CNTNAP2: variants seen among roughly 807,000 people sequenced by gnomAD.
CNTNAP2 encodes the protein contactin associated protein 2, also known as contactin-associated protein-like 2.
Under a neutral mutation model 155.2 loss-of-function variants are expected in CNTNAP2, and 98 were observed. That is an observed-to-expected ratio of 0.63 (90% CI 0.54 to 0.75). The LOEUF (loss-of-function observed/expected upper bound fraction) is 0.75, where lower values mean the gene tolerates loss of function less well. Among genes scored for constraint, CNTNAP2 ranks in the 30% least tolerant of loss-of-function variants. The probability of loss-of-function intolerance (pLI) is 0.00; values close to 1 mark genes in which losing one functional copy is unlikely to be tolerated. For missense variants in CNTNAP2, 1,727 were observed against 1,688.1 expected (o/e 1.02, Z -0.40); for synonymous variants, 651 against 631.2 (o/e 1.03, Z -0.47).
At chr7:147,841,865 C>A (rs1044267775) in intron 13 of CNTNAP2, among the ~76,000 whole-genome samples, 1 of 152,098 alleles carries the variant, frequency 6.6e-6, no homozygotes, top group Non-Finnish European at 1.5e-5. Context: ...GAAATTCCTA[C>A]TAATCCATAG....
At chr7:146,978,402 A>T (rs1797953478) in intron 3 of CNTNAP2, among the ~76,000 whole-genome samples, 1 of 152,068 alleles carries the variant, frequency 6.6e-6, no homozygotes, top group African/African-American at 2.4e-5. Flanking sequence ...TTCAAATGAC[A>T]CCAGAAAAGC....
intron 12 of CNTNAP2, among the ~76,000 whole-genome samples, chr7:147,572,587 C>T (rs1584822850): frequency 2.2e-5 from 1 of 46,462 alleles, no homozygotes; most frequent in African/African-American, 7.4e-5. Flanking sequence ...GCTCAAAATC[C>T]GAGAAAGACT....
chr7:147,727,818 C>G lies in CNTNAP2; in HGVS notation c.2098+88512C>G, dbSNP rs116576108. On this transcript the variant is annotated intron_variant, in intron 13 of 23. Transcript: ENST00000361727. Reference sequence around the variant, plus strand: ...CCTACCAAATAAATCAACATTATTTCTGAGATTGCATAATGGGAGTATGAG... The same window carrying G: ...CCTACCAAATAAATCAACATTATTTGTGAGATTGCATAATGGGAGTATGAG... 6.1e-3 allele frequency among the ~76,000 whole-genome samples: 899 copies of G among 146,542 alleles called. 7 individuals carry two copies. Among genetic ancestry groups the G allele is most frequent in the African/African-American group, 0.021 (841 of 39,458 alleles).
chr7:148,309,712 T>TTTCACTTC (rs1349156990), intron 21 of CNTNAP2, among the ~76,000 whole-genome samples: 2 of 152,030 alleles, frequency 1.3e-5, no homozygotes, highest in Non-Finnish European at 2.9e-5. Context: ...AACAGGCCAT[T>TTTCACTTC]TTCACTTCTT....
chr7:148,137,712 GGA>G (rs1267869275), intron 16 of CNTNAP2, among the ~76,000 whole-genome samples: 1 of 150,322 alleles, frequency 6.7e-6, no homozygotes, highest in Admixed American at 6.6e-5. Flanking sequence ...AAGGAAGGAA[GGA>G]AGGAAGGAAG....
chr7:147,434,552 C>T lies in CNTNAP2; in HGVS notation c.1670+38772C>T, dbSNP rs371250151. On this transcript the variant is annotated intron_variant, in intron 10 of 23. Coordinates refer to ENST00000361727, the MANE Select transcript of CNTNAP2 (RefSeq NM_014141.6). Reference sequence around the variant, plus strand: ...ATATTTAAAGGCTCATAATATCTTCCGTCTACATGTATTAATTGTATATGG... The same window carrying T: ...ATATTTAAAGGCTCATAATATCTTCTGTCTACATGTATTAATTGTATATGG... Among the ~76,000 whole-genome samples the T allele has an allele frequency of 1.8e-3, 277 of 152,228 alleles. 1 individual carries two copies. The highest frequency in any genetic ancestry group is 2.6e-3 in the African/African-American group (107 of 41,532).
intron 3 of CNTNAP2, among the ~76,000 whole-genome samples, chr7:146,994,700 G>A (rs1798274624): frequency 6.6e-6 from 1 of 151,982 alleles, no homozygotes; most frequent in South Asian, 2.1e-4. Context: ...TTACATATCT[G>A]TGGTGATTTA....
intron 3 of CNTNAP2, among the ~76,000 whole-genome samples, chr7:146,892,480 T>C (rs1795800147): frequency 6.6e-6 from 1 of 152,198 alleles, no homozygotes; most frequent in Admixed American, 6.5e-5. Context: ...GCCATCTTAA[T>C]TTATTATGAT....
intron 21 of CNTNAP2, among the ~76,000 whole-genome samples, chr7:148,371,626 T>C (rs1402609634): frequency 6.6e-6 from 1 of 152,244 alleles, no homozygotes; most frequent in African/African-American, 2.4e-5. Flanking sequence ...CATCTCATGA[T>C]TAATCTACCT....
rs1301213925 is a variant in CNTNAP2 at position 148,172,450 on chromosome 7, T to C, written c.2982T>C (p.Thr994=). Reference sequence around the variant, plus strand: ...GTTACTCCTGCGATTGCTCTAATACTGCATATGATGGAACATTTTGCAACA... The same window carrying C: ...GTTACTCCTGCGATTGCTCTAATACCGCATATGATGGAACATTTTGCAACA... ...YHGYSCDCSN[T]AYDGTFCNKD... is the part of the protein sequence containing the mutation. Residue 994 remains threonine, a synonymous_variant, in exon 18 of 24, where the codon ACT becomes ACC. Transcript: ENST00000361727. 1 of 1,614,226 alleles carries C rather than the reference T, an allele frequency of 6.2e-7. No homozygotes were observed. The highest frequency in any genetic ancestry group is 1.7e-5 in the Admixed American group (1 of 60,026).
intron 1 of CNTNAP2, among the ~76,000 whole-genome samples, chr7:146,631,147 T>C (rs1406338198): frequency 2.0e-5 from 3 of 152,126 alleles, no homozygotes; most frequent in Non-Finnish European, 4.4e-5. Flanking sequence ...TCATGCTACC[T>C]GACTTCAAAC....
At chr7:146,185,664 G>A (rs548846614) in intron 1 of CNTNAP2, among the ~76,000 whole-genome samples, 1 of 151,896 alleles carries the variant, frequency 6.6e-6, no homozygotes, top group Non-Finnish European at 1.5e-5. Context: ...CCAAGGGCTT[G>A]ATAAAGCAAT....
chr7:147,093,710 T>C (rs1230204912), intron 4 of CNTNAP2, among the ~76,000 whole-genome samples: 1 of 152,134 alleles, frequency 6.6e-6, no homozygotes, highest in Non-Finnish European at 1.5e-5. Context: ...CATTTCAACA[T>C]CAATTTTAAA....
chr7:146,984,763 T>C (rs2129237575), intron 3 of CNTNAP2, among the ~76,000 whole-genome samples: 1 of 152,346 alleles, frequency 6.6e-6, no homozygotes, highest in African/African-American at 2.4e-5. Flanking sequence ...TTAGGTTTTC[T>C]TTTTGAGTCC....
intron 1 of CNTNAP2, among the ~76,000 whole-genome samples, chr7:146,430,358 C>G (rs1796157458): frequency 6.6e-6 from 1 of 151,890 alleles, no homozygotes; most frequent in Non-Finnish European, 1.5e-5. Flanking sequence ...TTTTCTGGAA[C>G]TGGAGTATCT....
chr7:146,810,979 T>C (rs116826270), intron 2 of CNTNAP2, among the ~76,000 whole-genome samples: 1,818 of 152,316 alleles, frequency 0.012, 35 homozygotes, highest in African/African-American at 0.04. Context: ...ATCTCAAGGA[T>C]AAATTCCAGT....
At chr7:146,940,912 C>T (rs1338582153) in intron 3 of CNTNAP2, among the ~76,000 whole-genome samples, 1 of 151,826 alleles carries the variant, frequency 6.6e-6, no homozygotes. Context: ...TATATAATTA[C>T]CATCTTTGTC....
intron 1 of CNTNAP2, among the ~76,000 whole-genome samples, chr7:146,404,305 T>C (rs1448146946): frequency 6.6e-6 from 1 of 152,098 alleles, no homozygotes; most frequent in East Asian, 1.9e-4. Context: ...GAGAAGCCAG[T>C]AGCAGATGGG....
chr7:146,125,598 A>G (rs964722190), intron 1 of CNTNAP2, among the ~76,000 whole-genome samples: 2 of 151,374 alleles, frequency 1.3e-5, no homozygotes, highest in African/African-American at 4.9e-5. Context: ...AAAAAAAAAA[A>G]AAAAAAAAGA....
Sources: allele counts gnomAD v4.1 joint callset (sites outside exome capture counted in the v4.1 genomes callset), GRCh38; gene constraint gnomAD v4.1.1; transcripts MANE v1.5; gene names NCBI Gene and HGNC (gene_info 2026-07-23, HGNC 2026-07-21).